APOBR: variants seen among roughly 807,000 people sequenced by gnomAD.
The protein encoded by APOBR is apolipoprotein B receptor, also known as apoB-48R.
APOBR carries 57 observed loss-of-function variants against 88.5 expected under a neutral mutation model. That is an observed-to-expected ratio of 0.64 (90% CI 0.52 to 0.80). APOBR has a LOEUF of 0.80. Ranked by LOEUF, APOBR falls within the 30% of genes least tolerant of loss-of-function variation. The pLI is 0.00. For synonymous variants in APOBR, 588 were observed against 572.7 expected, an observed-to-expected ratio of 1.03 and a Z score of -0.38; for missense variants, 1,443 against 1,401.6, an observed-to-expected ratio of 1.03 and a Z score of -0.47.
At position 28,498,811 on chromosome 16, in the gene APOBR, G is replaced by A. The variant is rs1195913413; in HGVS notation, c.*306G>A. 1.8e-6 allele frequency: 1 copy of A among 565,546 alleles called. No individual in the cohort carries two copies. 35.0% of individuals were successfully genotyped at this position (565,546 alleles called of 1,614,324 possible). A position where few individuals can be genotyped will look rare whatever the true frequency, so the allele number is the denominator to read the frequency against. On this transcript the variant is annotated 3_prime_UTR_variant, in exon 4 of 4. Transcript: ENST00000564831. ...TCTGGACTGCAAGGAGGCTGGGCAC[G>A]GGGGCTCACGCCTGTCACCCCAGAG...
In APOBR at chr16:28,497,967, A is replaced by AGAG; in HGVS notation, c.2931_2933dup (p.Gly978dup). 1 of 1,606,570 alleles carries AGAG rather than the reference A, an allele frequency of 6.2e-7. No homozygotes were observed. The highest frequency in any genetic ancestry group is 1.3e-5 in the African/African-American group (1 of 74,616). The stretch of plus-strand genomic sequence containing the variant: ...GACGGCTGAGGCCATGGGCAGTGCC[A>AGAG]GAGGAGGTGCTGCCAACAGCTGGAG... On this transcript the variant is annotated inframe_insertion, in exon 2 of 4. Transcript: ENST00000564831.
Position 28,495,398 on chromosome 16 carries a change from G to A in APOBR, c.357G>A (p.Gly119=), listed in dbSNP as rs1247872397. 6.4e-7 allele frequency: 1 copy of A among 1,562,754 alleles called. No individual in the cohort carries two copies. Among genetic ancestry groups the A allele is most frequent in the Non-Finnish European group, 8.7e-7 (1 of 1,153,960 alleles). Residue 119 remains glycine, a synonymous_variant, in exon 2 of 4, where the codon GGG becomes GGA. Transcript: ENST00000564831. ...CCCAAGCAGAGAGGCAGGACAGTGG[G>A]GCTGGGGAGACAGCCAAGGCTGCCA... ...HGSQAERQDS[G]AGETAKAARC...
At position 28,498,665 on chromosome 16, in the gene APOBR, G is replaced by A. The variant is rs1017765455; in HGVS notation, c.*160G>A. The A allele has an allele frequency of 1.4e-5, 12 of 836,168 alleles. No homozygotes were observed. Among genetic ancestry groups the A allele is most frequent in the South Asian group, 7.2e-5 (4 of 55,690 alleles). 51.8% of individuals were successfully genotyped at this position (836,168 alleles called of 1,614,324 possible). On this transcript the variant is annotated 3_prime_UTR_variant, in exon 4 of 4. Coordinates refer to ENST00000564831, the MANE Select transcript of APOBR (RefSeq NM_018690.4). The stretch of plus-strand genomic sequence containing the variant: ...ATTCATGGAGCAGGCAAAACCAGAC[G>A]TCTGGGAAGACCGTGAACTTAAGGA...
Position 28,495,993 on chromosome 16 carries a change from G to T in APOBR, c.952G>T (p.Glu318Ter). 6.2e-7 allele frequency: 1 copy of T among 1,605,490 alleles called. No homozygotes were observed. The highest frequency in any genetic ancestry group is 8.5e-7 in the Non-Finnish European group (1 of 1,178,328). The change falls in exon 2 of 4, where the codon GAG becomes TAG. Residue 318 changes from glutamate (E) to a stop codon, truncating the protein, a stop_gained. Transcript: ENST00000564831. LOFTEE classifies it high-confidence loss of function. ...GGCTGAGACAGCCTCAGGCGGGGAG[G>T]AGGCTGAAACAGCCTCAGGCGGGGA... ...EEAETASGGE[E>*]AETASGGEEA...
In APOBR at chr16:28,495,870, A is replaced by C. The variant is rs750023418; in HGVS notation, c.829A>C (p.Ile277Leu). The C allele has an allele frequency of 6.2e-7, 1 of 1,610,894 alleles. No homozygotes were observed. The highest frequency in any genetic ancestry group is 8.5e-7 in the Non-Finnish European group (1 of 1,178,656). Residue 277 changes from isoleucine to leucine, a missense_variant, in exon 2 of 4, where the codon ATC becomes CTC. By Grantham distance (5) the Ile-to-Leu change is conservative. Transcript: ENST00000564831. ...AGGGGCAGAGCCTGAGGACTGGGGA[A>C]TCTTAGGCAGAGAGGAGGCCAGGAC... ...GPGAEPEDWG[I>L]LGREEARTTP... is the part of the protein sequence containing the mutation.
chr16:28,498,821 G>A lies in APOBR; in HGVS notation c.*316G>A, dbSNP rs987700166. The A allele has an allele frequency of 1.6e-5, 9 of 564,732 alleles. No individual in the cohort carries two copies. The highest frequency in any genetic ancestry group is 2.9e-4 in the Middle Eastern group (1 of 3,404). The allele number at this position is 564,732 out of a possible 1,614,324, so 35.0% of individuals were successfully genotyped here. On this transcript the variant is annotated 3_prime_UTR_variant, in exon 4 of 4. Transcript: ENST00000564831. ...AAGGAGGCTGGGCACGGGGGCTCAC[G>A]CCTGTCACCCCAGAGCTTTGGGAGG...
chr16:28,495,979 C>T lies in APOBR; in HGVS notation c.938C>T (p.Ala313Val), dbSNP rs779147945. 3 of 1,603,014 alleles carry T rather than the reference C, an allele frequency of 1.9e-6. No homozygotes were observed. The Admixed American group carries it at 5.0e-5, about 27-fold the overall frequency. The part of the protein sequence containing the change: ...TISGGEEAET[A>V]SGGEEAETAS... ...TCAGGCGGGGAGGAGGCTGAGACAG[C>T]CTCAGGCGGGGAGGAGGCTGAAACA... The change falls in exon 2 of 4, where the codon GCC becomes GTC. Residue 313 changes from alanine (A) to valine (V), a missense_variant. Ala to Val is a moderately conservative substitution (Grantham distance 64). Transcript: ENST00000564831.
chr16:28,496,825 A>AAGAGGAGCAGG lies in APOBR; in HGVS notation c.1793_1803dup (p.Leu602ArgfsTer15). ...CTCATGGGAGTTCTGGCCCTGAGCA[A>AAGAGGAGCAGG]AGAGGAGCAGGAGAGGAGCCTGGAG... On this transcript the variant is annotated frameshift_variant, in exon 2 of 4. Coordinates refer to ENST00000564831, the MANE Select transcript of APOBR (RefSeq NM_018690.4). LOFTEE classifies it high-confidence loss of function. 6.4e-7 allele frequency: 1 copy of AAGAGGAGCAGG among 1,561,606 alleles called. No homozygotes were observed.
rs113343275 is a variant in APOBR, at chr16:28,497,461, A to C, written c.2420A>C (p.Gln807Pro). The stretch of plus-strand genomic sequence containing the variant: ...GCAGCAGGAGAGCATGCAGGTGGGC[A>C]AGAATTTGGTCTGGAGGGCTCAGCA... The part of the protein sequence containing the change: ...EAAAGEHAGG[Q>P]EFGLEGSAEE... The change falls in exon 2 of 4, where the codon CAA becomes CCA. Residue 807 changes from glutamine (Q) to proline (P), a missense_variant. Physicochemically the swap from Gln to Pro is moderately conservative, Grantham distance 76. Coordinates refer to ENST00000564831, the MANE Select transcript of APOBR (RefSeq NM_018690.4). 1.7e-3 allele frequency: 2,779 copies of C among 1,613,928 alleles called. 43 individuals carry two copies. The African/African-American group carries it at 0.032, about 19-fold the overall frequency.
rs1195919510 is a variant in APOBR at position 28,497,956 on chromosome 16, T to C, written c.2915T>C (p.Met972Thr). ...SVGEAETAEA[M>T]GSARGGAANS... ...GGGGAAGCCGAGACGGCTGAGGCCA[T>C]GGGCAGTGCCAGAGGAGGTGCTGCC... The change falls in exon 2 of 4, where the codon ATG becomes ACG. Residue 972 changes from methionine (M) to threonine (T), a missense_variant. By Grantham distance (81) the Met-to-Thr change is moderately conservative. Transcript: ENST00000564831. The C allele has an allele frequency of 1.8e-5, 29 of 1,610,438 alleles. No homozygotes were observed. The highest frequency in any genetic ancestry group is 2.5e-5 in the Non-Finnish European group (29 of 1,178,860).
rs979801574 is a variant in APOBR, at chr16:28,498,001, G to C, written c.2955+5G>C. ...GCTGCCAACAGCTGGAGCGAGGTGA[G>C]GGCTCTTGGTGGGGTCTCGGGGGGA... On this transcript the variant is annotated splice_donor_5th_base_variant and intron_variant, in intron 2 of 3. Transcript: ENST00000564831. The C allele has an allele frequency of 6.3e-7, 1 of 1,585,792 alleles. No homozygotes were observed.
Position 28,494,814 on chromosome 16 carries a change from C to A in APOBR, c.57+76C>A, listed in dbSNP as rs193289400. 19 of 1,368,458 alleles carry A rather than the reference C, an allele frequency of 1.4e-5. No homozygotes were observed. In the East Asian group the frequency reaches 3.5e-4, roughly 25 times the overall value. 84.8% of individuals were successfully genotyped at this position (1,368,458 alleles called of 1,614,324 possible). A position where few individuals can be genotyped will look rare whatever the true frequency, so the allele number is the denominator to read the frequency against. ...TCACTTCCGGGCACCTCCCCTGGGG[C>A]CTCACCTTTCCCCTCCTCCTTCTGA... On this transcript the variant is annotated intron_variant, in intron 1 of 3. Transcript: ENST00000564831.
In APOBR at chr16:28,498,172, CTT is replaced by C. The variant is rs758970271; in HGVS notation, c.3050_3051del (p.Phe1017SerfsTer19). On this transcript the variant is annotated frameshift_variant, in exon 3 of 4. Coordinates refer to ENST00000564831, the MANE Select transcript of APOBR (RefSeq NM_018690.4). LOFTEE classifies it high-confidence loss of function. Reference sequence around the variant, plus strand: ...TCCTCACAGCGTCGCTCCCGGCCCTCTTTTCGTCGGACTCCGGCCTGGGAGCA... The same window carrying C: ...TCCTCACAGCGTCGCTCCCGGCCCTCTTCGTCGGACTCCGGCCTGGGAGCA... 6 of 1,602,310 alleles carry C rather than the reference CTT, an allele frequency of 3.7e-6. No individual in the cohort carries two copies. Among genetic ancestry groups the C allele is most frequent in the Non-Finnish European group, 5.1e-6 (6 of 1,179,142 alleles).
rs80028858 is a variant in APOBR, at chr16:28,496,069, G to GGGA, written c.1031_1033dup (p.Glu344dup). ...GAGGAGGCCGGGATAGCCTCAGGCG[G>GGGA]GGAGGCTGGGACAGCCTCAGGAGGG... On this transcript the variant is annotated inframe_insertion, in exon 2 of 4. Coordinates refer to ENST00000564831, the MANE Select transcript of APOBR (RefSeq NM_018690.4). 1 of 1,544,392 alleles carries GGGA rather than the reference G, an allele frequency of 6.5e-7. No individual in the cohort carries two copies. Among genetic ancestry groups the GGGA allele is most frequent in the Non-Finnish European group, 8.7e-7 (1 of 1,148,782 alleles).
In APOBR at chr16:28,497,458, G is replaced by T; in HGVS notation, c.2417G>T (p.Gly806Val). 1.2e-6 allele frequency: 2 copies of T among 1,613,946 alleles called. 1 individual carries two copies. Among genetic ancestry groups the T allele is most frequent in the South Asian group, 2.2e-5 (2 of 91,078 alleles). ...GCAGCAGCAGGAGAGCATGCAGGTGGGCAAGAATTTGGTCTGGAGGGCTCA... is the reference window on the plus strand; with the variant it reads ...GCAGCAGCAGGAGAGCATGCAGGTGTGCAAGAATTTGGTCTGGAGGGCTCA... ...EEAAAGEHAGGQEFGLEGSAE... is the reference protein window; with the variant it reads ...EEAAAGEHAGVQEFGLEGSAE... The change falls in exon 2 of 4, where the codon GGG (glycine) becomes GTG (valine). Residue 806 changes from glycine (G) to valine (V), a missense_variant. By Grantham distance (109) the Gly-to-Val change is moderately radical. Transcript: ENST00000564831.
In APOBR at chr16:28,495,256, G is replaced by T. The variant is rs2046379821; in HGVS notation, c.215G>T (p.Gly72Val). The change falls in exon 2 of 4, where the codon GGC (glycine) becomes GTC (valine). Residue 72 changes from glycine to valine, a missense_variant. Transcript: ENST00000564831. ...EAQEDLEGLR[G>V]SQNEGAGRLR... is the part of the protein sequence containing the mutation. Reference sequence around the variant, plus strand: ...CAGGAGGACCTGGAGGGCCTTAGAGGCAGCCAAAACGAGGGGGCTGGAAGG... The same window carrying T: ...CAGGAGGACCTGGAGGGCCTTAGAGTCAGCCAAAACGAGGGGGCTGGAAGG... 3 of 1,530,590 alleles carry T rather than the reference G, an allele frequency of 2.0e-6. No individual in the cohort carries two copies. The highest frequency in any genetic ancestry group is 2.6e-6 in the Non-Finnish European group (3 of 1,141,048). 94.8% of individuals were successfully genotyped at this position (1,530,590 alleles called of 1,614,324 possible). A position where few individuals can be genotyped will look rare whatever the true frequency, so the allele number is the denominator to read the frequency against.
In APOBR at chr16:28,497,803, G is replaced by A; in HGVS notation, c.2762G>A (p.Gly921Asp). ...GCACCAAGGCTCCTTGATGCAGAGG[G>A]TCTCATGGTGACCGGGGGCCGGAGG... ...GEAPRLLDAE[G>D]LMVTGGRRAE... is the part of the protein sequence containing the mutation. The change falls in exon 2 of 4, where the codon GGT becomes GAT. Residue 921 changes from glycine to aspartate, a missense_variant. Coordinates refer to ENST00000564831, the MANE Select transcript of APOBR (RefSeq NM_018690.4). The A allele has an allele frequency of 6.2e-7, 1 of 1,606,004 alleles. No individual in the cohort carries two copies. Among genetic ancestry groups the A allele is most frequent in the Non-Finnish European group, 8.5e-7 (1 of 1,176,498 alleles).
At position 28,496,646 on chromosome 16, in the gene APOBR, G is replaced by C; in HGVS notation, c.1605G>C (p.Glu535Asp). The change falls in exon 2 of 4, where the codon GAG (glutamate) becomes GAC (aspartate). Residue 535 changes from glutamate to aspartate, a missense_variant. Glu to Asp is a conservative substitution (Grantham distance 45, BLOSUM62 2). Coordinates refer to ENST00000564831, the MANE Select transcript of APOBR (RefSeq NM_018690.4). ...GGCCTGAGGAGGAGCTCACAGGGGA[G>C]GAGAGTGAGGCGGCCCAGACTAGCT... The part of the protein sequence containing the change: ...EARPEEELTG[E>D]ESEAAQTSCG... 1 of 1,600,392 alleles carries C rather than the reference G, an allele frequency of 6.2e-7. No individual in the cohort carries two copies.
chr16:28,498,004 C>G lies in APOBR; in HGVS notation c.2955+8C>G. The G allele has an allele frequency of 6.3e-7, 1 of 1,580,936 alleles. No individual in the cohort carries two copies. ...GCCAACAGCTGGAGCGAGGTGAGGG[C>G]TCTTGGTGGGGTCTCGGGGGGAACG... On this transcript the variant is annotated splice_region_variant and intron_variant, in intron 2 of 3. Coordinates refer to ENST00000564831, the MANE Select transcript of APOBR (RefSeq NM_018690.4).
Sources: allele counts gnomAD v4.1 joint callset, GRCh38; gene constraint gnomAD v4.1.1; transcripts MANE v1.5; gene names NCBI Gene and HGNC (gene_info 2026-07-23, HGNC 2026-07-21).